HSD17B2: variants seen among roughly 807,000 people sequenced by gnomAD.
HSD17B2 encodes 17-beta-hydroxysteroid dehydrogenase type 2.
In HSD17B2, 32 loss-of-function variants were observed where a neutral mutation model predicts 26.9. That is an observed-to-expected ratio of 1.19 (90% CI 0.90 to 1.60). The LOEUF is 1.60. Among genes scored for constraint, HSD17B2 ranks in the 40% most tolerant of loss-of-function variants. The pLI is 0.00. For synonymous variants in HSD17B2, 246 were observed against 186.7 expected, an observed-to-expected ratio of 1.32 and a Z score of -2.59; for missense variants, 613 against 468.6, an observed-to-expected ratio of 1.31 and a Z score of -2.85.
chr16:82,078,576 T>C (rs568021316), intron 3 of HSD17B2, among the ~76,000 whole-genome samples: 1 of 152,328 alleles, frequency 6.6e-6, no homozygotes, highest in South Asian at 2.1e-4. Flanking sequence ...CCTATGTGTG[T>C]TGCAGCACTG....
rs77175280 is a variant in HSD17B2, at chr16:82,087,438, C to T, written c.665-3464C>T. On this transcript the variant is annotated intron_variant, in intron 3 of 4. Transcript: ENST00000199936. ...GGACACCTATATTTATCTCATCTTA[C>T]GTCATCTTAAACATTAACGGCAAGA... Among the ~76,000 whole-genome samples the T allele has an allele frequency of 6.6e-3, 1,004 of 152,238 alleles. 11 individuals carry two copies. The highest frequency in any genetic ancestry group is 0.052 in the South Asian group (250 of 4,816).
chr16:82,083,964 C>A (rs1235326920), intron 3 of HSD17B2, among the ~76,000 whole-genome samples: 2 of 152,176 alleles, frequency 1.3e-5, no homozygotes, highest in East Asian at 3.9e-4. Context: ...GAAAATCTTT[C>A]TCTTTGAGGC....
chr16:82,059,179 C>A (rs1221695191), intron 1 of HSD17B2, among the ~76,000 whole-genome samples: 1 of 152,210 alleles, frequency 6.6e-6, no homozygotes, highest in South Asian at 2.1e-4. Context: ...TAATAACATT[C>A]ACCAATATTG....
intron 1 of HSD17B2, among the ~76,000 whole-genome samples, chr16:82,048,138 C>G (rs894263107): frequency 5.9e-5 from 9 of 152,076 alleles, no homozygotes; most frequent in African/African-American, 2.2e-4. Context: ...ATTAATCTTC[C>G]ACATAGGTAG....
intron 3 of HSD17B2, among the ~76,000 whole-genome samples, chr16:82,075,378 G>A (rs1904295428): frequency 3.3e-5 from 5 of 151,278 alleles, no homozygotes; most frequent in Admixed American, 3.3e-4. Context: ...AAATTGAAAA[G>A]AAGAAGACAA....
chr16:82,055,326 A>G (rs1431364956), intron 1 of HSD17B2, among the ~76,000 whole-genome samples: 2 of 152,112 alleles, frequency 1.3e-5, no homozygotes, highest in African/African-American at 2.4e-5. Flanking sequence ...CCCAGTCACT[A>G]TTCTGTTGCA....
chr16:82,046,728 T>A (rs1913941320), intron 1 of HSD17B2, among the ~76,000 whole-genome samples: 2 of 152,022 alleles, frequency 1.3e-5, no homozygotes, highest in Admixed American at 6.6e-5. Flanking sequence ...GAGGAGCCAA[T>A]GTACACAGTA....
At chr16:82,066,350 T>A (rs1281332239) in intron 1 of HSD17B2, among the ~76,000 whole-genome samples, 1 of 152,182 alleles carries the variant, frequency 6.6e-6, no homozygotes, top group African/African-American at 2.4e-5. Flanking sequence ...CATCTCATAA[T>A]GGTGGTGTCA....
intron 1 of HSD17B2, among the ~76,000 whole-genome samples, chr16:82,053,600 G>A (rs977354159): frequency 6.6e-6 from 1 of 152,192 alleles, no homozygotes; most frequent in Non-Finnish European, 1.5e-5. Flanking sequence ...GCCAAGAACT[G>A]TGTCCATCTT....
chr16:82,076,485 T>A (rs1255314713), intron 3 of HSD17B2, among the ~76,000 whole-genome samples: 1 of 152,240 alleles, frequency 6.6e-6, no homozygotes, highest in African/African-American at 2.4e-5. Context: ...ATATTTAGAA[T>A]AAACTAAAGA....
chr16:82,049,905 C>T (rs910136294), intron 1 of HSD17B2, among the ~76,000 whole-genome samples: 5 of 152,250 alleles, frequency 3.3e-5, no homozygotes, highest in African/African-American at 1.2e-4. Context: ...GGGACAGCTT[C>T]TTGAATCCGG....
At chr16:82,038,335 CATTTT>C (rs1271580863) in intron 1 of HSD17B2, among the ~76,000 whole-genome samples, 1 of 152,092 alleles carries the variant, frequency 6.6e-6, no homozygotes, top group Non-Finnish European at 1.5e-5. Context: ...ATGTGTGATG[CATTTT>C]ATTTTATTTT....
chr16:82,056,453 A>T (rs1210138016), intron 1 of HSD17B2: 1 of 152,228 alleles, frequency 6.6e-6, no homozygotes, highest in Non-Finnish European at 1.5e-5. Flanking sequence ...GAGAATGAAC[A>T]AAAGAAGCCA....
chr16:82,097,417 A>G (rs1017313635), intron 4 of HSD17B2: 1 of 150,012 alleles, frequency 6.7e-6, no homozygotes, highest in Non-Finnish European at 1.5e-5. Flanking sequence ...GGATCTCGCT[A>G]TGTTGCCCAG....
chr16:82,077,894 C>T (rs868391812), intron 3 of HSD17B2, among the ~76,000 whole-genome samples: 3 of 152,170 alleles, frequency 2.0e-5, no homozygotes, highest in South Asian at 4.2e-4. Context: ...AAAATCAAAT[C>T]AAAATGGATT....
chr16:82,036,699 G>T (rs1433871666), intron 1 of HSD17B2, among the ~76,000 whole-genome samples: 2 of 152,088 alleles, frequency 1.3e-5, no homozygotes, highest in Non-Finnish European at 2.9e-5. Context: ...GCTTGTTGGG[G>T]TTAGACAAGC....
intron 2 of HSD17B2, among the ~76,000 whole-genome samples, chr16:82,069,145 A>C (rs942773355): frequency 1.3e-5 from 2 of 152,176 alleles, no homozygotes; most frequent in African/African-American, 4.8e-5. Flanking sequence ...GCCCCCACTT[A>C]TAAGTGAGAA....
chr16:82,064,615 A>G (rs1271940995), intron 1 of HSD17B2, among the ~76,000 whole-genome samples: 1 of 152,224 alleles, frequency 6.6e-6, no homozygotes, highest in African/African-American at 2.4e-5. Context: ...TAGTGTCTGC[A>G]GTAAGTGAAA....
At chr16:82,077,278 C>T (rs184848300) in intron 3 of HSD17B2, among the ~76,000 whole-genome samples, 28 of 152,188 alleles carry the variant, frequency 1.8e-4, no homozygotes, top group East Asian at 1.9e-4. Context: ...ACTACAGAGC[C>T]GTAGTAACCA....
Sources: gnomAD v4.1 joint callset for allele counts (sites outside exome capture counted in the v4.1 genomes callset) on GRCh38, gnomAD v4.1.1 for gene constraint, MANE v1.5 for transcripts, NCBI Gene and HGNC (gene_info 2026-07-23, HGNC 2026-07-21) for gene names.